The following EBF3 variants were observed in gnomAD, a reference collection of about 807,000 sequenced individuals.
EBF3 encodes transcription factor COE3.
In EBF3, 18 loss-of-function variants were observed where a neutral mutation model predicts 77.1. The observed-to-expected ratio is 0.23, with a 90% CI of 0.16 to 0.35. The LOEUF (loss-of-function observed/expected upper bound fraction) is 0.35, where lower values mean the gene tolerates loss of function less well. Ranked by LOEUF, EBF3 falls within the 10% of genes least tolerant of loss-of-function variation. The pLI is 1.00. For missense variants in EBF3, 558 were observed against 860.0 expected (o/e 0.65, Z 4.39); for synonymous variants, 350 against 343.5 (o/e 1.02, Z -0.21).
intron 5 of EBF3, among the ~76,000 whole-genome samples, chr10:129,958,427 C>G (rs1184389498): frequency 6.6e-6 from 1 of 152,140 alleles, no homozygotes; most frequent in African/African-American, 2.4e-5. Context: ...TCTCAAGTAA[C>G]GGGCACGCTA....
intron 6 of EBF3, among the ~76,000 whole-genome samples, chr10:129,895,060 G>A (rs982840315): frequency 6.6e-6 from 1 of 152,220 alleles, no homozygotes; most frequent in Non-Finnish European, 1.5e-5. Context: ...TGCGGAACGG[G>A]GACAGTAAGG....
At chr10:129,859,397 G>A (rs1851467233) in intron 10 of EBF3, among the ~76,000 whole-genome samples, 1 of 151,836 alleles carries the variant, frequency 6.6e-6, no homozygotes, top group Non-Finnish European at 1.5e-5. Context: ...AATTTTTTTT[G>A]TATTTTTAGT....
intron 6 of EBF3, among the ~76,000 whole-genome samples, chr10:129,908,793 C>T (rs1855319665): frequency 6.6e-6 from 1 of 152,216 alleles, no homozygotes; most frequent in South Asian, 2.1e-4. Flanking sequence ...ACTGTCTGGC[C>T]TGGAACAAAC....
At chr10:129,875,386 T>C (rs1015187776) in intron 7 of EBF3, among the ~76,000 whole-genome samples, 2 of 151,956 alleles carry the variant, frequency 1.3e-5, no homozygotes, top group Non-Finnish European at 2.9e-5. Flanking sequence ...GTAGTAGAGA[T>C]GGGGTTTCAT....
intron 4 of EBF3, 42 bp downstream of exon 4, chr10:129,962,129 G>T (rs1564930097): frequency 1.2e-6 from 2 of 1,608,768 alleles, no homozygotes; most frequent in South Asian, 2.2e-5. Flanking sequence ...GACAACCCAG[G>T]CCCAGCAGTG....
intron 5 of EBF3, 59 bp from the exon 6 acceptor site, chr10:129,957,385 T>G: frequency 7.1e-7 from 1 of 1,400,688 alleles, no homozygotes; most frequent in Non-Finnish European, 9.6e-7. Flanking sequence ...ATGCCCGACT[T>G]GTATTTTTTT....
chr10:129,866,549 C>A (rs932264769), intron 10 of EBF3, among the ~76,000 whole-genome samples: 5 of 152,248 alleles, frequency 3.3e-5, no homozygotes, highest in African/African-American at 1.2e-4. Context: ...GGCCACACTT[C>A]CTGCTGACAG....
In EBF3 at chr10:129,897,029, C is replaced by T. The variant is rs1854443159; in HGVS notation, c.555-19180G>A. Among the ~76,000 whole-genome samples, 1 of 152,222 alleles carries T rather than the reference C, an allele frequency of 6.6e-6. No individual in the cohort carries two copies. The highest frequency in any genetic ancestry group is 1.9e-4 in the East Asian group (1 of 5,188). ...TGACTAATCAAGCATCGAGGACAGGCACCGCCAGCCTGATTGCCAGCCATG... is the reference window on the plus strand; with the variant it reads ...TGACTAATCAAGCATCGAGGACAGGTACCGCCAGCCTGATTGCCAGCCATG... On this transcript the variant is annotated intron_variant, in intron 6 of 16. Transcript: ENST00000440978. The surrounding 1 kb of genome is among the most constrained non-coding windows in gnomAD (Gnocchi z 4.6).
chr10:129,893,080 A>T (rs1180017505), intron 6 of EBF3, among the ~76,000 whole-genome samples: 1 of 152,244 alleles, frequency 6.6e-6, no homozygotes, highest in Non-Finnish European at 1.5e-5. Context: ...GTCCTATGAC[A>T]ATAATTGATT....
rs1294397860 is a variant in EBF3 at position 129,836,119 on chromosome 10, TTTTGTGTGTG to T, written c.*1814_*1823del. 6.6e-6 allele frequency: 1 copy of T among 152,588 alleles called. No homozygotes were observed. The highest frequency in any genetic ancestry group is 2.4e-5 in the African/African-American group (1 of 41,432). 9.5% of individuals were successfully genotyped at this position (152,588 alleles called of 1,614,324 possible). A position where few individuals can be genotyped will look rare whatever the true frequency, so the allele number is the denominator to read the frequency against. ...CGGGTCATGCAGCGGGCTTGTGCTT[TTTTGTGTGTG>T]TTTGTGTGTTTTACACCATACATCT... On this transcript the variant is annotated 3_prime_UTR_variant, in exon 17 of 17. Transcript: ENST00000440978.
chr10:129,910,804 G>A (rs960868962), intron 6 of EBF3, among the ~76,000 whole-genome samples: 2 of 152,168 alleles, frequency 1.3e-5, no homozygotes, highest in African/African-American at 4.8e-5. Flanking sequence ...CAGCCTCCCT[G>A]TTCAGCAGCA....
Position 129,842,118 on chromosome 10 carries a change from T to C in EBF3, c.1370A>G (p.Gln457Arg). 6.2e-7 allele frequency: 1 copy of C among 1,614,164 alleles called. No individual in the cohort carries two copies. Among genetic ancestry groups the C allele is most frequent in the Non-Finnish European group, 8.5e-7 (1 of 1,180,024 alleles). ...GTCCTCCCAGCATGCTGGCATACCT[T>C]GGTCGTTGGCTTGTGACGTCTCTGA... ...NVSETSQAND[Q>R]VGYSRNTSSV... is the part of the protein sequence containing the mutation. The change falls in exon 13 of 17, where the codon CAA (glutamine) becomes CGA (arginine). Residue 457 changes from glutamine (Q) to arginine (R), a missense_variant and splice_region_variant. Physicochemically the swap from Gln to Arg is conservative, Grantham distance 43. This residue lies in a region of EBF3 where 284 missense variants were observed against 368.3 expected (regional missense o/e 0.77). Transcript: ENST00000440978. The surrounding 1 kb of genome is among the most constrained non-coding windows in gnomAD (Gnocchi z 4.4).
At chr10:129,894,128 A>G (rs1854207763) in intron 6 of EBF3, among the ~76,000 whole-genome samples, 1 of 152,236 alleles carries the variant, frequency 6.6e-6, no homozygotes, top group Admixed American at 6.5e-5. Flanking sequence ...AACTTTTATG[A>G]TATAGACGTG....
At chr10:129,910,132 C>T (rs557476198) in intron 6 of EBF3, among the ~76,000 whole-genome samples, 14 of 152,294 alleles carry the variant, frequency 9.2e-5, no homozygotes, top group Admixed American at 5.9e-4. Context: ...CCACTCGGAC[C>T]GCCGGGCCAG....
intron 11 of EBF3, among the ~76,000 whole-genome samples, chr10:129,843,853 C>T (rs1451682378): frequency 3.9e-5 from 6 of 152,200 alleles, no homozygotes; most frequent in African/African-American, 1.4e-4. Context: ...CTTCACATTC[C>T]GAGAGTGTGC....
At chr10:129,961,065 G>A (rs944870594) in intron 4 of EBF3, among the ~76,000 whole-genome samples, 1 of 152,188 alleles carries the variant, frequency 6.6e-6, no homozygotes, top group East Asian at 1.9e-4. Context: ...ACCTAGGTAA[G>A]GACAAACTTT....
chr10:129,901,194 C>T (rs1253089690), intron 6 of EBF3, among the ~76,000 whole-genome samples: 1 of 152,176 alleles, frequency 6.6e-6, no homozygotes, highest in Non-Finnish European at 1.5e-5. Flanking sequence ...AAGCCAGAGG[C>T]TGCCAGTGCT....
At position 129,842,822 on chromosome 10, in the gene EBF3, G is replaced by A. The variant is rs1225972574; in HGVS notation, c.1194+315C>T. Among the ~76,000 whole-genome samples, 5 of 151,784 alleles carry A rather than the reference G, an allele frequency of 3.3e-5. No individual in the cohort carries two copies. The highest frequency in any genetic ancestry group is 7.4e-5 in the Non-Finnish European group (5 of 67,972). On this transcript the variant is annotated intron_variant, in intron 12 of 16. Transcript: ENST00000440978. The surrounding 1 kb of genome is among the most constrained non-coding windows in gnomAD (Gnocchi z 4.4). Reference sequence around the variant, plus strand: ...TGTGTTCTGTCCTGCATGCTGTGGGGCGCCCATCCAGCCCTCCCTGGTTCC... The same window carrying A: ...TGTGTTCTGTCCTGCATGCTGTGGGACGCCCATCCAGCCCTCCCTGGTTCC...
At chr10:129,838,706 GTGT>G (rs1442421017) in intron 16 of EBF3, among the ~76,000 whole-genome samples, 2 of 152,236 alleles carry the variant, frequency 1.3e-5, no homozygotes, top group Admixed American at 1.3e-4. Flanking sequence ...TTTACCGCTG[GTGT>G]TGTTTAATTT....
Sources: gnomAD v4.1 joint callset for allele counts (sites outside exome capture counted in the v4.1 genomes callset) on GRCh38, gnomAD v4.1.1 for gene constraint, gnomAD v4.1.1 regional missense constraint, Gnocchi (gnomAD v3.1) non-coding constraint, MANE v1.5 for transcripts, NCBI Gene and HGNC (gene_info 2026-07-23, HGNC 2026-07-21) for gene names.